The following SVEP1 variants were observed in gnomAD, a reference collection of about 807,000 sequenced individuals.
SVEP1 encodes the protein sushi, von Willebrand factor type A, EGF and pentraxin domain-containing protein 1.
A neutral mutation model predicts 367.3 loss-of-function variants in SVEP1; 164 were observed. The observed-to-expected ratio is 0.45, with a 90% CI of 0.39 to 0.51. The LOEUF (loss-of-function observed/expected upper bound fraction) is 0.51, where lower values mean the gene tolerates loss of function less well. Among genes scored for constraint, SVEP1 ranks in the 20% least tolerant of loss-of-function variants. The pLI, the probability that SVEP1 is intolerant of heterozygous loss-of-function variation, is 0.00. For missense variants in SVEP1, 4,117 were observed against 4,425.3 expected (o/e 0.93, Z 1.98); for synonymous variants, 1,666 against 1,611.6 (o/e 1.03, Z -0.81).
chr9:110,579,057 G>C lies in SVEP1; in HGVS notation c.487C>G (p.Arg163Gly). 6.5e-7 allele frequency: 1 copy of C among 1,549,702 alleles called. No homozygotes were observed. The highest frequency in any genetic ancestry group is 8.7e-7 in the Non-Finnish European group (1 of 1,146,936). Residue 163 changes from arginine to glycine, a missense_variant, in exon 1 of 48, where the codon CGA becomes GGA. Arg to Gly is a moderately radical substitution (Grantham distance 125). Around this residue, in one of 4 missense-constraint regions of SVEP1, gnomAD observed 2,174 missense variants for 2,494.3 expected, o/e 0.87. Coordinates refer to ENST00000374469, the MANE Select transcript of SVEP1 (RefSeq NM_153366.4). The surrounding 1 kb of genome is among the most constrained non-coding windows in gnomAD (Gnocchi z 5.3). ...CCCTTGGTGTAGGTGCCGCCACCTC[G>C]GTAGGAGATGGCAGGGATCTCTTGG... ...LLQEIPAISY[R>G]GGGTYTKGAF...
intron 22 of SVEP1, among the ~76,000 whole-genome samples, chr9:110,455,379 C>T (rs1362660281): frequency 6.6e-6 from 1 of 152,210 alleles, no homozygotes; most frequent in Non-Finnish European, 1.5e-5. Context: ...CAATTACATA[C>T]TGCCATATTG....
At chr9:110,577,209 A>T (rs904970114) in intron 1 of SVEP1, among the ~76,000 whole-genome samples, 1 of 152,132 alleles carries the variant, frequency 6.6e-6, no homozygotes, top group Admixed American at 6.5e-5. Flanking sequence ...TAGATTTTTT[A>T]AAAGGAGAAT....
chr9:110,506,743 C>T (rs540125242), intron 5 of SVEP1, among the ~76,000 whole-genome samples: 1 of 151,736 alleles, frequency 6.6e-6, no homozygotes, highest in East Asian at 1.9e-4. Context: ...GGTTTCCAAG[C>T]AGGGGAAGGA....
At chr9:110,413,630 C>T (rs12344549) in intron 36 of SVEP1, among the ~76,000 whole-genome samples, 25,011 of 151,838 alleles carry the variant, frequency 0.16, 3,128 homozygotes, top group East Asian at 0.37. Flanking sequence ...AATTCCCAGT[C>T]GTTATGCACA....
At chr9:110,532,406 C>T (rs561084026) in intron 3 of SVEP1, among the ~76,000 whole-genome samples, 4 of 152,066 alleles carry the variant, frequency 2.6e-5, no homozygotes, top group East Asian at 3.9e-4. Flanking sequence ...TGCTGTAAAT[C>T]GAGAAGGACT....
chr9:110,519,245 T>A (rs1588090298), intron 3 of SVEP1, among the ~76,000 whole-genome samples: 1 of 152,348 alleles, frequency 6.6e-6, no homozygotes, highest in East Asian at 1.9e-4. Flanking sequence ...TGTTGGCATT[T>A]GGGAAATGTT....
chr9:110,547,824 ATG>A (rs1830239155), intron 2 of SVEP1, among the ~76,000 whole-genome samples: 1 of 152,182 alleles, frequency 6.6e-6, no homozygotes, highest in Non-Finnish European at 1.5e-5. Flanking sequence ...TGATCTGATC[ATG>A]TCTTTCCAGT....
intron 1 of SVEP1, among the ~76,000 whole-genome samples, chr9:110,568,231 ACTT>A (rs925029129): frequency 6.6e-6 from 1 of 152,178 alleles, no homozygotes; most frequent in South Asian, 2.1e-4. Context: ...TCTCCAGCTC[ACTT>A]CTTCTTCCAT....
chr9:110,436,808 C>G (rs909751906), intron 27 of SVEP1, among the ~76,000 whole-genome samples: 4 of 152,144 alleles, frequency 2.6e-5, no homozygotes, highest in Non-Finnish European at 5.9e-5. Context: ...ATTTTGCTTA[C>G]TTTCTTGTAG....
intron 14 of SVEP1, among the ~76,000 whole-genome samples, chr9:110,474,471 A>C (rs1466874200): frequency 1.3e-5 from 2 of 152,108 alleles, no homozygotes; most frequent in African/African-American, 2.4e-5. Flanking sequence ...TGTTTTTAGG[A>C]TCACAGGATC....
At chr9:110,549,800 G>C in intron 2 of SVEP1, 49 bp downstream of exon 2, 1 of 1,599,072 alleles carries the variant, frequency 6.3e-7, no homozygotes, top group Non-Finnish European at 8.5e-7. Context: ...TGAGAGGCAA[G>C]GAAGCCTCAT....
chr9:110,497,807 C>A (rs1473721577), intron 7 of SVEP1, among the ~76,000 whole-genome samples: 3 of 152,118 alleles, frequency 2.0e-5, no homozygotes, highest in Admixed American at 6.6e-5. Context: ...TAAATTAGGT[C>A]TTCTGTAACT....
At chr9:110,445,194 G>A (rs1407152704) in intron 26 of SVEP1, among the ~76,000 whole-genome samples, 2 of 152,200 alleles carry the variant, frequency 1.3e-5, no homozygotes, top group African/African-American at 4.8e-5. Flanking sequence ...ACAGCTCAGT[G>A]ATAAATAATG....
chr9:110,451,102 C>A (rs187278484), intron 23 of SVEP1, among the ~76,000 whole-genome samples, 187 bp downstream of exon 23: 17 of 152,226 alleles, frequency 1.1e-4, no homozygotes, highest in Non-Finnish European at 2.5e-4. Context: ...AAATTGCAGA[C>A]CTGCATGCCC....
chr9:110,485,048 C>T (rs571047318), intron 9 of SVEP1, among the ~76,000 whole-genome samples: 1 of 152,248 alleles, frequency 6.6e-6, no homozygotes, highest in African/African-American at 2.4e-5. Flanking sequence ...GACCTAGAAC[C>T]AGAAATACCA....
At chr9:110,369,616 TTG>T (rs1029285472) in intron 47 of SVEP1, 20 of 222,510 alleles carry the variant, frequency 9.0e-5, no homozygotes, top group African/African-American at 4.3e-4. Context: ...CTTCACAAAT[TTG>T]TGTGTCATCC....
chr9:110,397,711 G>C (rs947278707), intron 40 of SVEP1, among the ~76,000 whole-genome samples: 10 of 152,098 alleles, frequency 6.6e-5, no homozygotes, highest in Non-Finnish European at 1.3e-4. Context: ...GAGAAACAGA[G>C]AGCCAAATCA....
intron 36 of SVEP1, among the ~76,000 whole-genome samples, chr9:110,425,666 T>A (rs1332655069): frequency 6.6e-6 from 1 of 152,248 alleles, no homozygotes; most frequent in East Asian, 1.9e-4. Flanking sequence ...TCTTAATTGA[T>A]TCTTTAAATC....
rs776942930 is a variant in SVEP1 at position 110,579,198 on chromosome 9, C to T, written c.346G>A (p.Val116Met). The T allele has an allele frequency of 6.4e-7, 1 of 1,571,294 alleles. No homozygotes were observed. Among genetic ancestry groups the T allele is most frequent in the Non-Finnish European group, 8.6e-7 (1 of 1,158,978 alleles). ...VRKLLSDFPV[V>M]PTATRVAIVT... ...ATGGCCACGCGCGTGGCCGTGGGCACCACGGGGAAGTCGGACAGCAGCTTG... is the reference window on the plus strand; with the variant it reads ...ATGGCCACGCGCGTGGCCGTGGGCATCACGGGGAAGTCGGACAGCAGCTTG... Residue 116 changes from valine (V) to methionine (M), a missense_variant, in exon 1 of 48, where the codon GTG becomes ATG. Coordinates refer to ENST00000374469, the MANE Select transcript of SVEP1 (RefSeq NM_153366.4). The surrounding 1 kb of genome is among the most constrained non-coding windows in gnomAD (Gnocchi z 5.3).
Sources: gnomAD v4.1 joint callset for allele counts (sites outside exome capture counted in the v4.1 genomes callset) on GRCh38, gnomAD v4.1.1 for gene constraint, gnomAD v4.1.1 regional missense constraint, Gnocchi (gnomAD v3.1) non-coding constraint, MANE v1.5 for transcripts, NCBI Gene and HGNC (gene_info 2026-07-23, HGNC 2026-07-21) for gene names.